The following HS3ST4 variants were observed in gnomAD, a reference collection of about 807,000 sequenced individuals.
HS3ST4 encodes heparan sulfate-glucosamine 3-sulfotransferase 4.
A neutral mutation model predicts 29.2 loss-of-function variants in HS3ST4; 17 were observed. The observed-to-expected ratio is 0.58, with a 90% CI of 0.40 to 0.87. The LOEUF (loss-of-function observed/expected upper bound fraction) is 0.87, where lower values mean the gene tolerates loss of function less well. Ranked by LOEUF, HS3ST4 falls within the 40% of genes least tolerant of loss-of-function variation. The probability of loss-of-function intolerance (pLI) is 0.00; values close to 1 mark genes in which losing one functional copy is unlikely to be tolerated. For missense variants in HS3ST4, 627 were observed against 634.5 expected, an observed-to-expected ratio of 0.99 and a Z score of 0.13; for synonymous variants, 314 against 285.7, an observed-to-expected ratio of 1.10 and a Z score of -1.00.
intron 1 of HS3ST4, among the ~76,000 whole-genome samples, chr16:25,746,307 T>C (rs1966684784): frequency 6.6e-6 from 1 of 152,204 alleles, no homozygotes; most frequent in Non-Finnish European, 1.5e-5. Flanking sequence ...GGAATATGGC[T>C]GAGGAGATTC....
chr16:25,814,933 G>A (rs145447303), intron 1 of HS3ST4, among the ~76,000 whole-genome samples: 5 of 152,302 alleles, frequency 3.3e-5, no homozygotes, highest in African/African-American at 4.8e-5. Flanking sequence ...GCCAGCCTTC[G>A]CACATCCATC....
intron 1 of HS3ST4, among the ~76,000 whole-genome samples, chr16:26,035,087 T>A (rs1320419037): frequency 6.6e-6 from 1 of 152,208 alleles, no homozygotes; most frequent in African/African-American, 2.4e-5. Flanking sequence ...GTGAACAATT[T>A]TAATGAACTC....
In HS3ST4 at chr16:26,130,428, C is replaced by T. The variant is rs557701189; in HGVS notation, c.735-5184C>T. Among the ~76,000 whole-genome samples the T allele has an allele frequency of 3.9e-5, 6 of 152,228 alleles. No homozygotes were observed. The South Asian group carries it at 6.2e-4, about 16-fold the overall frequency. On this transcript the variant is annotated intron_variant, in intron 1 of 1. Coordinates refer to ENST00000331351, the MANE Select transcript of HS3ST4 (RefSeq NM_006040.3). ...AGAGACCATGTATTCATTGGAATGT[C>T]GTTTGTTTTTCATCCAGTAACCACA... is the stretch of plus-strand genomic sequence containing the variant.
intron 1 of HS3ST4, among the ~76,000 whole-genome samples, chr16:25,863,062 C>T (rs114453965): frequency 0.018 from 2,767 of 152,212 alleles, 81 homozygotes; most frequent in African/African-American, 0.063. Flanking sequence ...TTTCTTCTTT[C>T]GGTTGTATGA....
chr16:25,779,431 AGC>A, intron 1 of HS3ST4, among the ~76,000 whole-genome samples: 1 of 152,352 alleles, frequency 6.6e-6, no homozygotes, highest in South Asian at 2.1e-4. Flanking sequence ...CTGATCTTGA[AGC>A]CCATATTCTT....
At chr16:25,981,324 C>A (rs1324782483) in intron 1 of HS3ST4, among the ~76,000 whole-genome samples, 2 of 150,518 alleles carry the variant, frequency 1.3e-5, no homozygotes, top group Non-Finnish European at 3.0e-5. Flanking sequence ...GGGACAAGAG[C>A]AAAACTCCGT....
intron 1 of HS3ST4, among the ~76,000 whole-genome samples, chr16:25,748,444 C>T (rs939074850): frequency 1.4e-4 from 21 of 152,150 alleles, no homozygotes; most frequent in African/African-American, 5.1e-4. Context: ...CAGCTCCTAC[C>T]TTCCCACCCC....
chr16:25,905,658 G>A (rs1968171744), intron 1 of HS3ST4, among the ~76,000 whole-genome samples: 1 of 152,152 alleles, frequency 6.6e-6, no homozygotes, highest in African/African-American at 2.4e-5. Context: ...AGGTGAAAGG[G>A]AAAATAATTA....
At chr16:25,746,625 C>T (rs1004389916) in intron 1 of HS3ST4, among the ~76,000 whole-genome samples, 1 of 151,492 alleles carries the variant, frequency 6.6e-6, no homozygotes, top group African/African-American at 2.4e-5. Flanking sequence ...GTTCTTGGCT[C>T]ACTGCAATCT....
chr16:25,933,383 G>T (rs769300929), intron 1 of HS3ST4: 3 of 516,998 alleles, frequency 5.8e-6, no homozygotes, highest in African/African-American at 1.9e-5. Flanking sequence ...ATCTCAAACA[G>T]AGGTGTCTTG....
At chr16:26,047,727 T>A (rs543087985) in intron 1 of HS3ST4, among the ~76,000 whole-genome samples, 2 of 152,326 alleles carry the variant, frequency 1.3e-5, no homozygotes, top group East Asian at 3.9e-4. Flanking sequence ...TTGTACTTAA[T>A]TCAATCTTAA....
intron 1 of HS3ST4, among the ~76,000 whole-genome samples, chr16:25,803,299 T>A (rs925837879): frequency 1.3e-5 from 2 of 152,176 alleles, no homozygotes; most frequent in Admixed American, 6.6e-5. Flanking sequence ...TCCGGAATGA[T>A]GTTAAATAAA....
intron 1 of HS3ST4, among the ~76,000 whole-genome samples, chr16:25,862,249 G>A (rs2141655289): frequency 6.6e-6 from 1 of 151,742 alleles, no homozygotes; most frequent in South Asian, 2.1e-4. Flanking sequence ...CTAGAGTGCA[G>A]TGATGCCATC....
chr16:25,836,889 T>C (rs1388040911), intron 1 of HS3ST4, among the ~76,000 whole-genome samples: 3 of 152,214 alleles, frequency 2.0e-5, no homozygotes, highest in African/African-American at 7.2e-5. Context: ...ACTATGGATA[T>C]GGTACCTCCC....
At chr16:26,134,528 A>C (rs1898255492) in intron 1 of HS3ST4, among the ~76,000 whole-genome samples, 1 of 151,554 alleles carries the variant, frequency 6.6e-6, no homozygotes, top group Non-Finnish European at 1.5e-5. Context: ...ATGCCCGGCT[A>C]ATTTTTGTAT....
Position 25,905,138 on chromosome 16 carries a change from T to C in HS3ST4, c.734+211987T>C, listed in dbSNP as rs565265223. ...CCTGCCTCATAGAGAGAAGGACTCCTCCTCTCTATGAGGAGCTGGGTGGTA... is the reference window on the plus strand; with the variant it reads ...CCTGCCTCATAGAGAGAAGGACTCCCCCTCTCTATGAGGAGCTGGGTGGTA... On this transcript the variant is annotated intron_variant, in intron 1 of 1. Coordinates refer to ENST00000331351, the MANE Select transcript of HS3ST4 (RefSeq NM_006040.3). Among the ~76,000 whole-genome samples the C allele has an allele frequency of 3.3e-5, 5 of 152,166 alleles. No individual in the cohort carries two copies. The East Asian group carries it at 9.7e-4, about 29-fold the overall frequency.
At chr16:25,705,681 A>G (rs1410447958) in intron 1 of HS3ST4, among the ~76,000 whole-genome samples, 1 of 152,160 alleles carries the variant, frequency 6.6e-6, no homozygotes. Context: ...ATAAAAATAA[A>G]AATAATTGAA....
intron 1 of HS3ST4, among the ~76,000 whole-genome samples, chr16:25,834,873 G>A (rs1212406213): frequency 1.3e-5 from 2 of 152,130 alleles, no homozygotes; most frequent in South Asian, 2.1e-4. Flanking sequence ...CTTGAACCTG[G>A]GAGGCAGAGG....
intron 1 of HS3ST4, among the ~76,000 whole-genome samples, chr16:26,129,913 G>A (rs138394112): frequency 6.0e-4 from 92 of 152,254 alleles, no homozygotes; most frequent in African/African-American, 2.1e-3. Context: ...TATTGTTTCT[G>A]TGAGGACCCC....
Sources: gnomAD v4.1 joint callset for allele counts (sites outside exome capture counted in the v4.1 genomes callset) on GRCh38, gnomAD v4.1.1 for gene constraint, MANE v1.5 for transcripts, NCBI Gene and HGNC (gene_info 2026-07-23, HGNC 2026-07-21) for gene names.